The following SYAP1 variants were observed in gnomAD, a reference collection of about 807,000 sequenced individuals.
The protein encoded by SYAP1 is synapse associated protein 1, also known as synapse-associated protein 1.
SYAP1 carries 3 observed loss-of-function variants against 29.6 expected under a neutral mutation model. The observed-to-expected ratio is 0.10, with a 90% CI of 0.05 to 0.26. SYAP1 has a LOEUF of 0.26. SYAP1 is among the 10% of genes least tolerant of loss of function. The pLI is 1.00. For synonymous variants in SYAP1, 102 were observed against 102.7 expected (o/e 0.99, Z 0.04); for missense variants, 217 against 264.1 (o/e 0.82, Z 1.24).
intron 5 of SYAP1, among the ~76,000 whole-genome samples, chrX:16,750,207 G>A (rs896061088): frequency 1.7e-3 from 192 of 111,821 alleles, no homozygotes; most frequent in African/African-American, 5.9e-3. Context: ...AGCATATCTT[G>A]TATGTTTTTG....
intron 8 of SYAP1, among the ~76,000 whole-genome samples, chrX:16,758,210 A>AT (rs1190339271): frequency 9.1e-6 from 1 of 110,270 alleles, no homozygotes; most frequent in Admixed American, 9.8e-5. Context: ...CACCAGGCTA[A>AT]TTTTTTTAAT....
chrX:16,747,821 G>T (rs1197460822), intron 5 of SYAP1, among the ~76,000 whole-genome samples: 1 of 111,957 alleles, frequency 8.9e-6, no homozygotes, highest in Non-Finnish European at 1.9e-5. Context: ...AATGGCTCAC[G>T]CCTGTAATCC....
chrX:16,734,857 G>T (rs1472705446), intron 1 of SYAP1, among the ~76,000 whole-genome samples: 4 of 108,646 alleles, frequency 3.7e-5, no homozygotes, highest in African/African-American at 1.3e-4. Context: ...AAATTAGCCG[G>T]GCATGGTGGC....
chrX:16,761,982 G>A lies in SYAP1; in HGVS notation c.*1623G>A, dbSNP rs1270446711. On this transcript the variant is annotated 3_prime_UTR_variant, in exon 9 of 9. Coordinates refer to ENST00000380155, the MANE Select transcript of SYAP1 (RefSeq NM_032796.4). ...TGTCTGAGCCAGACTGTCTCAACTG[G>A]AGTCTCTTGGGTTATAGCAGTAAAC... 1 of 111,508 alleles carries A rather than the reference G, an allele frequency of 9.0e-6. No homozygotes were observed. The highest frequency in any genetic ancestry group is 1.9e-5 in the Non-Finnish European group (1 of 53,147). The allele number at this position is 111,508 out of a possible 1,213,427, so 9.2% of individuals were successfully genotyped here. A position where few individuals can be genotyped will look rare whatever the true frequency, so the allele number is the denominator to read the frequency against.
chrX:16,736,113 A>G (rs1926322744), intron 2 of SYAP1, 53 bp from the exon 3 acceptor site: 3 of 815,489 alleles, frequency 3.7e-6, no homozygotes, highest in East Asian at 3.1e-5. Flanking sequence ...GAAGTCATCA[A>G]TTAAACCTTA....
chrX:16,736,250 CTTAA>C lies in SYAP1; in HGVS notation c.361+23_361+26del. ...GAAGTCAGGTATGGTATAGGTTTGT[CTTAA>C]TTAACCTGCCAGGTTTTATTGAGCA... On this transcript the variant is annotated intron_variant, in intron 3 of 8. Coordinates refer to ENST00000380155, the MANE Select transcript of SYAP1 (RefSeq NM_032796.4). 9.2e-7 allele frequency: 1 copy of C among 1,086,228 alleles called. No individual in the cohort carries two copies. The highest frequency in any genetic ancestry group is 1.3e-6 in the Non-Finnish European group (1 of 784,318). 89.5% of individuals were successfully genotyped at this position (1,086,228 alleles called of 1,213,427 possible).
rs201785760 is a variant in SYAP1, at chrX:16,730,654, A to G, written c.176-4573A>G. ...GACCTAATCACCTTTAAATTGTACA[A>G]TATTTGTTGCATAAATTCCGTTTCA... On this transcript the variant is annotated intron_variant, in intron 1 of 8. Transcript: ENST00000380155. Among the ~76,000 whole-genome samples the G allele has an allele frequency of 4.5e-4, 51 of 112,314 alleles. 1 individual carries two copies. The East Asian group carries it at 8.1e-3, about 18-fold the overall frequency.
chrX:16,724,945 G>A (rs1468037518), intron 1 of SYAP1, among the ~76,000 whole-genome samples: 1 of 111,615 alleles, frequency 9.0e-6, no homozygotes, highest in African/African-American at 3.3e-5. Flanking sequence ...ACATGGGCAC[G>A]CATCAAAATT....
intron 3 of SYAP1, 112 bp downstream of exon 3, chrX:16,736,344 A>G: frequency 2.0e-6 from 1 of 488,495 alleles, no homozygotes. Flanking sequence ...CAATGGCCCC[A>G]TCCTTTGGGT....
intron 8 of SYAP1, among the ~76,000 whole-genome samples, chrX:16,758,886 T>C (rs1926913554): frequency 1.8e-5 from 2 of 110,067 alleles, no homozygotes. Flanking sequence ...AAGTTTAAGG[T>C]TTATTTTTAA....
rs374656534 is a variant in SYAP1 at position 16,759,994 on chromosome X, T to C, written c.932-238T>C. 8.9e-5 allele frequency among the ~76,000 whole-genome samples: 10 copies of C among 112,596 alleles called. No individual in the cohort carries two copies. The East Asian group carries it at 2.8e-3, about 31-fold the overall frequency. On this transcript the variant is annotated intron_variant, in intron 8 of 8. Coordinates refer to ENST00000380155, the MANE Select transcript of SYAP1 (RefSeq NM_032796.4). Reference sequence around the variant, plus strand: ...GGAAAGCAAAATAACACCCAAAATATATTGATGACATCTGATACCTTTGCT... The same window carrying C: ...GGAAAGCAAAATAACACCCAAAATACATTGATGACATCTGATACCTTTGCT...
chrX:16,759,794 G>A (rs1926941384), intron 8 of SYAP1, among the ~76,000 whole-genome samples: 1 of 112,145 alleles, frequency 8.9e-6, no homozygotes, highest in Non-Finnish European at 1.9e-5. Context: ...CTGTTCCAAG[G>A]GTGAAAAGCG....
intron 2 of SYAP1, 107 bp from the exon 3 acceptor site, chrX:16,736,058 TG>T: frequency 1.9e-6 from 1 of 523,054 alleles, no homozygotes. Context: ...TTTTTTGCAG[TG>T]GGCCTATGGC....
chrX:16,758,923 C>G (rs1363368289), intron 8 of SYAP1, among the ~76,000 whole-genome samples: 1 of 109,255 alleles, frequency 9.2e-6, no homozygotes, highest in Non-Finnish European at 1.9e-5. Flanking sequence ...GTGGCTCATG[C>G]CTGTAATCCC....
chrX:16,757,614 T>G (rs140826838), intron 8 of SYAP1, among the ~76,000 whole-genome samples: 1,985 of 110,315 alleles, frequency 0.018, 54 homozygotes, highest in African/African-American at 0.062. Flanking sequence ...TCCCAGCTAT[T>G]CGGAAGGCTG....
At position 16,760,836 on chromosome X, in the gene SYAP1, C is replaced by T. The variant is rs867530957; in HGVS notation, c.*477C>T. Reference sequence around the variant, plus strand: ...GAGGAAGCACTTTCAGAACTATTCACTTGCCAGGTATTTTCTAAAATTCCA... The same window carrying T: ...GAGGAAGCACTTTCAGAACTATTCATTTGCCAGGTATTTTCTAAAATTCCA... On this transcript the variant is annotated 3_prime_UTR_variant, in exon 9 of 9. Transcript: ENST00000380155. 1 of 112,007 alleles carries T rather than the reference C, an allele frequency of 8.9e-6. No homozygotes were observed. Among genetic ancestry groups the T allele is most frequent in the African/African-American group, 3.2e-5 (1 of 30,770 alleles). 9.2% of individuals were successfully genotyped at this position (112,007 alleles called of 1,213,427 possible).
chrX:16,762,995 A>C lies in SYAP1; in HGVS notation c.*2636A>C, dbSNP rs932266180. The C allele has an allele frequency of 9.0e-6, 1 of 111,578 alleles. No homozygotes were observed. The highest frequency in any genetic ancestry group is 1.9e-5 in the Non-Finnish European group (1 of 53,138). 9.2% of individuals were successfully genotyped at this position (111,578 alleles called of 1,213,427 possible). Reference sequence around the variant, plus strand: ...GTTATTTCTATACTACCAAAATTAAAAAGACCCAAGGGCTGGGCATGGTGG... The same window carrying C: ...GTTATTTCTATACTACCAAAATTAACAAGACCCAAGGGCTGGGCATGGTGG... On this transcript the variant is annotated 3_prime_UTR_variant, in exon 9 of 9. Coordinates refer to ENST00000380155, the MANE Select transcript of SYAP1 (RefSeq NM_032796.4).
At chrX:16,735,419 T>A (rs951530673) in intron 2 of SYAP1, 74 bp downstream of exon 2, 1 of 710,557 alleles carries the variant, frequency 1.4e-6, no homozygotes, top group Non-Finnish European at 2.1e-6. Context: ...CTTCTTCTTA[T>A]GAACATTTTT....
chrX:16,735,455 G>T, intron 2 of SYAP1, 110 bp downstream of exon 2: 1 of 498,970 alleles, frequency 2.0e-6, no homozygotes, highest in Non-Finnish European at 3.2e-6. Flanking sequence ...ATCATATTCT[G>T]ATAAAAATGT....
Sources: allele counts gnomAD v4.1 joint callset (sites outside exome capture counted in the v4.1 genomes callset), GRCh38; gene constraint gnomAD v4.1.1; transcripts MANE v1.5; gene names NCBI Gene and HGNC (gene_info 2026-07-23, HGNC 2026-07-21).